Variants in AVL9 observed in about 807,000 individuals in gnomAD.
AVL9 encodes the protein AVL9 cell migration associated, also known as late secretory pathway protein AVL9 homolog.
In AVL9, 49 loss-of-function variants were observed where a neutral mutation model predicts 79.2. That is an observed-to-expected ratio of 0.62 (90% CI 0.49 to 0.79). The LOEUF (loss-of-function observed/expected upper bound fraction) is 0.79, where lower values mean the gene tolerates loss of function less well. Among genes scored for constraint, AVL9 ranks in the 30% least tolerant of loss-of-function variants. AVL9 has a pLI of 0.00. For synonymous variants in AVL9, 299 were observed against 280.6 expected (o/e 1.07, Z -0.65); for missense variants, 682 against 776.8 (o/e 0.88, Z 1.45).
chr7:32,562,618 C>A (rs577945679), intron 10 of AVL9: 1 of 984,780 alleles, frequency 1.0e-6, no homozygotes, highest in Non-Finnish European at 1.2e-6. Flanking sequence ...GTCAACTTCA[C>A]TGGGTCAAAA....
chr7:32,503,365 T>TACACACACACACACACACACACAC (rs796351504), intron 1 of AVL9, among the ~76,000 whole-genome samples: 12 of 103,100 alleles, frequency 1.2e-4, no homozygotes, highest in Non-Finnish European at 1.9e-4. Context: ...TAGAGAGATA[T>TACACACACACACACACACACACAC]ATATATATAC....
chr7:32,503,190 A>G (rs1036764837), intron 1 of AVL9, among the ~76,000 whole-genome samples: 1 of 151,578 alleles, frequency 6.6e-6, no homozygotes, highest in Non-Finnish European at 1.5e-5. Flanking sequence ...GATTTCAAAT[A>G]TGGGCCAGGT....
At chr7:32,569,298 C>T (rs1191012603) in intron 10 of AVL9, among the ~76,000 whole-genome samples, 2 of 152,210 alleles carry the variant, frequency 1.3e-5, no homozygotes, top group African/African-American at 2.4e-5. Flanking sequence ...AATCTTTCAG[C>T]AGAAATTGCA....
At chr7:32,576,314 CAG>C (rs972133614) in intron 13 of AVL9, among the ~76,000 whole-genome samples, 2 of 152,134 alleles carry the variant, frequency 1.3e-5, no homozygotes, top group African/African-American at 4.8e-5. Flanking sequence ...CGATGTGATT[CAG>C]AGAGGAAGTC....
chr7:32,541,186 C>T (rs1789188757), intron 1 of AVL9, among the ~76,000 whole-genome samples: 1 of 151,896 alleles, frequency 6.6e-6, no homozygotes, highest in South Asian at 2.1e-4. Flanking sequence ...CAGGCGTGAG[C>T]CACCGCGCCC....
chr7:32,519,515 T>G (rs1269523479), intron 1 of AVL9, among the ~76,000 whole-genome samples: 1 of 152,122 alleles, frequency 6.6e-6, no homozygotes, highest in Non-Finnish European at 1.5e-5. Flanking sequence ...ACTTCGGCAG[T>G]CTTTGGTAAG....
At chr7:32,516,559 C>T (rs766547767) in intron 1 of AVL9, among the ~76,000 whole-genome samples, 19 of 152,082 alleles carry the variant, frequency 1.2e-4, no homozygotes, top group Non-Finnish European at 2.5e-4. Context: ...CCCCCAGCAA[C>T]GTGCAGCAGC....
intron 1 of AVL9, among the ~76,000 whole-genome samples, chr7:32,522,696 TG>T (rs1425552433): frequency 6.6e-6 from 1 of 152,086 alleles, no homozygotes; most frequent in African/African-American, 2.4e-5. Flanking sequence ...GGTTTTGAAA[TG>T]GGAGGACATG....
At chr7:32,498,237 ATTT>A (rs10547851) in intron 1 of AVL9, among the ~76,000 whole-genome samples, 1,543 of 89,780 alleles carry the variant, frequency 0.017, 12 homozygotes, top group African/African-American at 0.061. Context: ...AAGTCCTCAG[ATTT>A]TTTTTTTTTT....
chr7:32,532,287 CAG>C (rs757456951), intron 1 of AVL9: 8 of 152,188 alleles, frequency 5.3e-5, no homozygotes, highest in Non-Finnish European at 5.9e-5. Flanking sequence ...CCAGCTGAGT[CAG>C]GGGTTTTTAT....
At chr7:32,529,898 G>A (rs542543549) in intron 1 of AVL9, among the ~76,000 whole-genome samples, 1 of 152,184 alleles carries the variant, frequency 6.6e-6, no homozygotes, top group East Asian at 1.9e-4. Flanking sequence ...GACCCATGCT[G>A]TCTCTTTTGT....
intron 1 of AVL9, among the ~76,000 whole-genome samples, chr7:32,509,837 GAGACTGTCTCAAAAAGAAAAAA>G (rs1480852784): frequency 1.3e-5 from 2 of 152,108 alleles, no homozygotes; most frequent in African/African-American, 4.8e-5. Context: ...GCAACAGAGT[GAGACTGTCTCAAAAAGAAAAAA>G]AGACTGTCTA....
intron 13 of AVL9, 46 bp from the exon 14 acceptor site, chr7:32,580,173 C>A: frequency 5.4e-6 from 8 of 1,473,120 alleles, no homozygotes; most frequent in Non-Finnish European, 7.5e-6. Context: ...TTTTTGCAGC[C>A]TTTTTGGTAA....
In AVL9 at chr7:32,585,913, CTT is replaced by C. The variant is rs1221952067; in HGVS notation, c.*2007_*2008del. 1.3e-5 allele frequency: 2 copies of C among 152,136 alleles called. No individual in the cohort carries two copies. Among genetic ancestry groups the C allele is most frequent in the African/African-American group, 2.4e-5 (1 of 41,414 alleles). 9.4% of individuals were successfully genotyped at this position (152,136 alleles called of 1,614,324 possible). A position where few individuals can be genotyped will look rare whatever the true frequency, so the allele number is the denominator to read the frequency against. ...GACTATAAAGAATTCATTCTAACAT[CTT>C]GTTTCATAAGGGCCACATCATTCGT... On this transcript the variant is annotated 3_prime_UTR_variant, in exon 16 of 16. Transcript: ENST00000318709.
Position 32,503,007 on chromosome 7 carries a change from A to G in AVL9, c.93+7205A>G, listed in dbSNP as rs140243883. ...TCTGTTGTGTGAAATAAAATGACTC[A>G]GTCATGGGTTTTGAAAGGAAACCTA... On this transcript the variant is annotated intron_variant, in intron 1 of 15. Transcript: ENST00000318709. Among the ~76,000 whole-genome samples, 24 of 152,308 alleles carry G rather than the reference A, an allele frequency of 1.6e-4. No homozygotes were observed. In the East Asian group the frequency reaches 4.6e-3, roughly 29 times the overall value.
intron 1 of AVL9, chr7:32,532,452 A>G (rs1788701106): frequency 6.6e-6 from 1 of 152,214 alleles, no homozygotes; most frequent in Non-Finnish European, 1.5e-5. Context: ...TGCCTAGAAT[A>G]TCTCTACCTC....
intron 10 of AVL9, 43 bp from the exon 11 acceptor site, chr7:32,569,977 C>T: frequency 6.3e-7 from 1 of 1,595,982 alleles, no homozygotes; most frequent in Non-Finnish European, 8.6e-7. Flanking sequence ...GAAAGGTAAC[C>T]TTTTACTTTT....
intron 1 of AVL9, among the ~76,000 whole-genome samples, chr7:32,504,937 G>A (rs139819989): frequency 2.0e-5 from 3 of 151,964 alleles, no homozygotes; most frequent in Non-Finnish European, 4.4e-5. Flanking sequence ...GCGGTGGCAT[G>A]ATCTCAGCTC....
At chr7:32,525,140 G>A (rs1225230240) in intron 1 of AVL9, among the ~76,000 whole-genome samples, 2 of 152,148 alleles carry the variant, frequency 1.3e-5, no homozygotes, top group African/African-American at 4.8e-5. Flanking sequence ...TGCTGCTCTG[G>A]CTAACGAAGG....
Sources: allele counts gnomAD v4.1 joint callset (sites outside exome capture counted in the v4.1 genomes callset), GRCh38; gene constraint gnomAD v4.1.1; transcripts MANE v1.5; gene names NCBI Gene and HGNC (gene_info 2026-07-23, HGNC 2026-07-21).